PPIP5K2: variants seen among roughly 807,000 people sequenced by gnomAD.
PPIP5K2 encodes diphosphoinositol pentakisphosphate kinase 2, also known as inositol hexakisphosphate and diphosphoinositol-pentakisphosphate kinase 2.
A neutral mutation model predicts 154.6 loss-of-function variants in PPIP5K2; 105 were observed. That is an observed-to-expected ratio of 0.68 (90% CI 0.58 to 0.80). The LOEUF (loss-of-function observed/expected upper bound fraction) is 0.80. PPIP5K2 is among the 30% of genes least tolerant of loss of function. The pLI is 0.00. For synonymous variants in PPIP5K2, 480 were observed against 490.3 expected, an observed-to-expected ratio of 0.98 and a Z score of 0.28; for missense variants, 992 against 1,504.6, an observed-to-expected ratio of 0.66 and a Z score of 5.64.
intron 21 of PPIP5K2, among the ~76,000 whole-genome samples, chr5:103,175,771 G>A (rs556217424): frequency 6.6e-6 from 1 of 152,174 alleles, no homozygotes. Context: ...TTGGACTAGG[G>A]TGGTAGCTGT....
At chr5:103,156,478 AT>A (rs1450714643) in intron 14 of PPIP5K2, among the ~76,000 whole-genome samples, 4 of 152,218 alleles carry the variant, frequency 2.6e-5, no homozygotes, top group African/African-American at 9.6e-5. Flanking sequence ...CAGTATCCAC[AT>A]TCATAAATGC....
chr5:103,144,128 C>T (rs1055693225), intron 5 of PPIP5K2, among the ~76,000 whole-genome samples: 6 of 150,926 alleles, frequency 4.0e-5, no homozygotes, highest in African/African-American at 9.8e-5. Flanking sequence ...TTTCTATATG[C>T]GAACAGCAAA....
At chr5:103,150,058 T>C (rs1794386406) in intron 8 of PPIP5K2, among the ~76,000 whole-genome samples, 1 of 152,206 alleles carries the variant, frequency 6.6e-6, no homozygotes, top group Admixed American at 6.5e-5. Context: ...CAATCTATAT[T>C]GTTAAGTTTC....
intron 17 of PPIP5K2, among the ~76,000 whole-genome samples, chr5:103,166,876 T>C (rs1325577953): frequency 2.6e-5 from 4 of 151,714 alleles, no homozygotes; most frequent in African/African-American, 9.7e-5. Context: ...TTGAGTAGGC[T>C]GAAAAGAAAG....
chr5:103,168,733 G>A (rs1411463256), intron 19 of PPIP5K2, among the ~76,000 whole-genome samples: 1 of 151,672 alleles, frequency 6.6e-6, no homozygotes, highest in Non-Finnish European at 1.5e-5. Flanking sequence ...TGTACATATG[G>A]GTTTGGGCAA....
chr5:103,132,491 A>T (rs969321835), intron 2 of PPIP5K2, among the ~76,000 whole-genome samples: 1 of 152,280 alleles, frequency 6.6e-6, no homozygotes, highest in Admixed American at 6.5e-5. Context: ...GGTTGCAGTG[A>T]GCTGAGATTG....
intron 1 of PPIP5K2, among the ~76,000 whole-genome samples, chr5:103,121,881 G>A (rs1788805271): frequency 6.6e-6 from 1 of 152,156 alleles, no homozygotes; most frequent in Admixed American, 6.5e-5. Context: ...GTTAAGTAGT[G>A]GGAATATATA....
At chr5:103,172,199 A>G (rs901592825) in intron 19 of PPIP5K2, among the ~76,000 whole-genome samples, 1 of 151,672 alleles carries the variant, frequency 6.6e-6, no homozygotes, top group African/African-American at 2.4e-5. Context: ...ACACAGTTGC[A>G]TATTCACTAT....
chr5:103,178,449 A>G (rs138436544), intron 23 of PPIP5K2, among the ~76,000 whole-genome samples: 3 of 151,834 alleles, frequency 2.0e-5, no homozygotes, highest in Non-Finnish European at 4.4e-5. Context: ...TGATTGCTCT[A>G]TTTGTCTCTC....
rs1420968012 is a variant in PPIP5K2, at chr5:103,120,302, T to G, written c.-471T>G. On this transcript the variant is annotated 5_prime_UTR_variant, in exon 1 of 31. Coordinates refer to ENST00000358359, the MANE Select transcript of PPIP5K2 (RefSeq NM_001276277.3). ...AGGCGTGACGGAGATTCCTGAGGTG[T>G]AGTAGCCTGAGGTTCCCTTATGTGG... 1 of 401,140 alleles carries G rather than the reference T, an allele frequency of 2.5e-6. No homozygotes were observed. The highest frequency in any genetic ancestry group is 5.1e-6 in the Non-Finnish European group (1 of 194,820). The allele number at this position is 401,140 out of a possible 1,614,324, so 24.8% of individuals were successfully genotyped here. A position where few individuals can be genotyped will look rare whatever the true frequency, so the allele number is the denominator to read the frequency against.
intron 5 of PPIP5K2, 60 bp from the exon 6 acceptor site, chr5:103,146,464 TGTG>T: frequency 6.7e-7 from 1 of 1,482,512 alleles, no homozygotes; most frequent in Non-Finnish European, 9.1e-7. Flanking sequence ...TCGATAATAA[TGTG>T]GTGTCCTGAT....
chr5:103,122,700 C>T (rs1030181311), intron 1 of PPIP5K2, among the ~76,000 whole-genome samples: 3 of 152,114 alleles, frequency 2.0e-5, no homozygotes, highest in Admixed American at 1.3e-4. Context: ...TATGTGTTTG[C>T]GTTTAGGCTA....
intron 1 of PPIP5K2, among the ~76,000 whole-genome samples, chr5:103,124,181 G>A (rs1412934074): frequency 1.3e-5 from 2 of 151,890 alleles, no homozygotes; most frequent in Middle Eastern, 3.4e-3. Context: ...TTGGGAGGCT[G>A]AGGCAGGAGA....
chr5:103,155,401 G>A (rs1412714466), intron 13 of PPIP5K2, among the ~76,000 whole-genome samples: 1 of 55,742 alleles, frequency 1.8e-5, no homozygotes, highest in Admixed American at 2.1e-4. Flanking sequence ...TCTCTTCAGA[G>A]TTGTCTTTTT....
intron 5 of PPIP5K2, among the ~76,000 whole-genome samples, chr5:103,145,935 T>A (rs186673528): frequency 1.3e-5 from 2 of 152,216 alleles, no homozygotes; most frequent in East Asian, 3.9e-4. Context: ...ATACCCCAAC[T>A]ATTCCAGTTT....
intron 3 of PPIP5K2, 84 bp from the exon 4 acceptor site, chr5:103,136,647 TG>T: frequency 1.0e-6 from 1 of 981,110 alleles, no homozygotes; most frequent in Non-Finnish European, 1.6e-6. Flanking sequence ...GAATCTTTTA[TG>T]GGAGGTGGCA....
At chr5:103,155,084 A>G (rs1331491144) in intron 13 of PPIP5K2, 141 bp downstream of exon 13, 3 of 456,458 alleles carry the variant, frequency 6.6e-6, no homozygotes, top group Non-Finnish European at 1.1e-5. Context: ...AGGAAAATCT[A>G]ATGTGAAAAA....
At chr5:103,162,630 T>G (rs1796477203) in intron 17 of PPIP5K2, among the ~76,000 whole-genome samples, 1 of 152,180 alleles carries the variant, frequency 6.6e-6, no homozygotes, top group Non-Finnish European at 1.5e-5. Flanking sequence ...CCCAAGGCTT[T>G]GGAATTACAG....
intron 28 of PPIP5K2, 63 bp from the exon 29 acceptor site, chr5:103,190,779 C>G: frequency 6.9e-7 from 1 of 1,440,756 alleles, no homozygotes; most frequent in Non-Finnish European, 9.3e-7. Flanking sequence ...GTCTTCCTTT[C>G]TAATTACTGA....
Sources: allele counts gnomAD v4.1 joint callset (sites outside exome capture counted in the v4.1 genomes callset), GRCh38; gene constraint gnomAD v4.1.1; transcripts MANE v1.5; gene names NCBI Gene and HGNC (gene_info 2026-07-23, HGNC 2026-07-21).